Variants in FBLN7 observed in about 807,000 individuals in gnomAD.
FBLN7 encodes fibulin-7.
FBLN7 carries 31 observed loss-of-function variants against 44.0 expected under a neutral mutation model. The ratio of observed to expected loss-of-function variants is 0.70; its 90% CI spans 0.53 to 0.95. The LOEUF (loss-of-function observed/expected upper bound fraction) is 0.95. FBLN7 is among the 40% of genes least tolerant of loss of function. FBLN7 has a pLI of 0.00. For missense variants in FBLN7, 573 were observed against 618.5 expected, an observed-to-expected ratio of 0.93 and a Z score of 0.78; for synonymous variants, 262 against 253.4, an observed-to-expected ratio of 1.03 and a Z score of -0.32.
chr2:112,162,450 A>G (rs1681927885), intron 2 of FBLN7, among the ~76,000 whole-genome samples: 1 of 151,806 alleles, frequency 6.6e-6, no homozygotes, highest in Non-Finnish European at 1.5e-5. Context: ...CATCATCACA[A>G]CCCATCAGCT....
intron 1 of FBLN7, among the ~76,000 whole-genome samples, chr2:112,142,657 C>T (rs1353381943): frequency 6.6e-6 from 1 of 152,182 alleles, no homozygotes; most frequent in Admixed American, 6.5e-5. Flanking sequence ...TGCGGTGCTC[C>T]TCATGGGGGT....
Position 112,187,653 on chromosome 2 carries a change from G to A in FBLN7, c.*147G>A, listed in dbSNP as rs571179740. ...GGCTTCTAGGGCAGCGTTGCACGGC[G>A]CCCCATGGAATAGCACGGAAGAGCA... On this transcript the variant is annotated 3_prime_UTR_variant, in exon 8 of 8. Transcript: ENST00000331203. The surrounding 1 kb of genome is among the most constrained non-coding windows in gnomAD (Gnocchi z 5.1). 1,267 of 1,094,336 alleles carry A rather than the reference G, an allele frequency of 1.2e-3. 2 individuals are homozygous for A. Among genetic ancestry groups the A allele is most frequent in the Non-Finnish European group, 1.4e-3 (1,052 of 764,522 alleles). 67.8% of individuals were successfully genotyped at this position (1,094,336 alleles called of 1,614,324 possible).
At chr2:112,234,552 G>A in the FBLN7 span, among the ~76,000 whole-genome samples, 8 of 152,172 alleles carry the variant, frequency 5.3e-5, no homozygotes, top group African/African-American at 1.9e-4. Flanking sequence ...TGTAATCCCA[G>A]CACTTTGGGA....
the FBLN7 span, among the ~76,000 whole-genome samples, chr2:112,209,783 G>C: frequency 6.6e-6 from 1 of 152,160 alleles, no homozygotes; most frequent in African/African-American, 2.4e-5. Context: ...CATAGTGTGA[G>C]AGCCCAAGCA....
At chr2:112,231,785 A>C in the FBLN7 span, 7 of 1,187,108 alleles carry the variant, frequency 5.9e-6, no homozygotes, top group Non-Finnish European at 8.2e-6. Context: ...TCCTTAGTTC[A>C]AACATATTCC....
At chr2:112,193,211 C>A (rs769812882), downstream of FBLN7, among the ~76,000 whole-genome samples, 20 of 152,048 alleles carry the variant, frequency 1.3e-4, no homozygotes, top group Admixed American at 5.2e-4. Flanking sequence ...GTGGCCAAGG[C>A]GAGTGGATCA....
At chr2:112,160,135 C>G (rs368606527) in intron 2 of FBLN7, among the ~76,000 whole-genome samples, 6 of 152,112 alleles carry the variant, frequency 3.9e-5, no homozygotes, top group Non-Finnish European at 5.9e-5. Context: ...GGACTACAGG[C>G]GCCCGCCACC....
chr2:112,242,402 T>C, the FBLN7 span, among the ~76,000 whole-genome samples: 2 of 152,246 alleles, frequency 1.3e-5, no homozygotes, highest in African/African-American at 2.4e-5. Context: ...GCCTGCTTCT[T>C]TGCTACAACA....
intron 3 of FBLN7, among the ~76,000 whole-genome samples, chr2:112,173,065 A>C (rs1682558467): frequency 6.6e-6 from 1 of 152,228 alleles, no homozygotes; most frequent in Non-Finnish European, 1.5e-5. Context: ...ACTGTGCACA[A>C]CAAGGAAAAT....
At chr2:112,243,887 TAC>T in the FBLN7 span, among the ~76,000 whole-genome samples, 1 of 151,600 alleles carries the variant, frequency 6.6e-6, no homozygotes, top group Non-Finnish European at 1.5e-5. Flanking sequence ...AATTTAAAAA[TAC>T]ACAAAGATAT....
chr2:112,170,247 A>C (rs1035614010), intron 3 of FBLN7, among the ~76,000 whole-genome samples: 1 of 149,290 alleles, frequency 6.7e-6, no homozygotes, highest in Non-Finnish European at 1.5e-5. Flanking sequence ...CATCTCAAAC[A>C]AAACAAAACA....
the FBLN7 span, chr2:112,238,287 T>G: frequency 6.2e-7 from 1 of 1,603,044 alleles, no homozygotes; most frequent in South Asian, 1.1e-5. Flanking sequence ...TAGATAAACT[T>G]TAAATGATAA....
rs1173124716 is a variant in FBLN7 at position 112,159,993 on chromosome 2, A to T, written c.235+158A>T. 4.8e-5 allele frequency among the ~76,000 whole-genome samples: 7 copies of T among 144,620 alleles called. 1 individual carries two copies. Among genetic ancestry groups the T allele is most frequent in the South Asian group, 4.4e-4 (2 of 4,590 alleles). The allele number at this position is 144,620 out of a possible 152,430, so 94.9% of individuals were successfully genotyped here. A position where few individuals can be genotyped will look rare whatever the true frequency, so the allele number is the denominator to read the frequency against. On this transcript the variant is annotated intron_variant, in intron 2 of 7. Transcript: ENST00000331203. The stretch of plus-strand genomic sequence containing the variant: ...CCCCTTTTTTATTTATTATTTATTT[A>T]TTTATTTATTTTTTTGAGACGGAGT...
chr2:112,190,732 C>T (rs1228144530), downstream of FBLN7: 3 of 152,036 alleles, frequency 2.0e-5, no homozygotes, highest in African/African-American at 7.3e-5. Context: ...TATTTTCTGC[C>T]CCTGCCCTGA....
chr2:112,173,670 G>A (rs1233321355), intron 3 of FBLN7, among the ~76,000 whole-genome samples: 4 of 152,240 alleles, frequency 2.6e-5, no homozygotes, highest in African/African-American at 4.8e-5. Context: ...TCACCTTCAC[G>A]AAACAGCAGA....
the FBLN7 span, among the ~76,000 whole-genome samples, chr2:112,203,436 G>C: frequency 9.2e-5 from 14 of 152,122 alleles, no homozygotes; most frequent in Non-Finnish European, 2.1e-4. Context: ...TACACACTTA[G>C]TCCAGGAAAA....
the FBLN7 span, among the ~76,000 whole-genome samples, chr2:112,242,063 C>CA: frequency 6.6e-6 from 1 of 152,140 alleles, no homozygotes; most frequent in Non-Finnish European, 1.5e-5. Context: ...TTTAGAGACA[C>CA]AGACTTACCA....
At chr2:112,208,202 C>T in the FBLN7 span, among the ~76,000 whole-genome samples, 1 of 152,004 alleles carries the variant, frequency 6.6e-6, no homozygotes, top group South Asian at 2.1e-4. Context: ...GAGTTCAAGA[C>T]CAGCCTGGCC....
the FBLN7 span, among the ~76,000 whole-genome samples, chr2:112,194,531 C>T: frequency 1.3e-5 from 2 of 152,172 alleles, no homozygotes; most frequent in South Asian, 2.1e-4. Context: ...GTGGAAGCTA[C>T]GTGGCCTTTT....
Sources: gnomAD v4.1 joint callset for allele counts (sites outside exome capture counted in the v4.1 genomes callset) on GRCh38, gnomAD v4.1.1 for gene constraint, Gnocchi (gnomAD v3.1) non-coding constraint, MANE v1.5 for transcripts, NCBI Gene and HGNC (gene_info 2026-07-23, HGNC 2026-07-21) for gene names.